Variants in CHD4 observed in about 807,000 individuals in gnomAD.
The protein encoded by CHD4 is ATP-dependent chromatin remodeler CHD4.
Under a neutral mutation model 235.5 loss-of-function variants are expected in CHD4, and 35 were observed. That is an observed-to-expected ratio of 0.15 (90% CI 0.11 to 0.20). The LOEUF is 0.20. Ranked by LOEUF, CHD4 falls within the 10% of genes least tolerant of loss-of-function variation. CHD4 has a pLI of 1.00. For synonymous variants in CHD4, 900 were observed against 850.2 expected (o/e 1.06, Z -1.02); for missense variants, 1,329 against 2,432.3 (o/e 0.55, Z 9.54).
chr12:6,599,030 G>A (rs1948545174), intron 10 of CHD4, among the ~76,000 whole-genome samples: 1 of 152,188 alleles, frequency 6.6e-6, no homozygotes, highest in South Asian at 2.1e-4. Context: ...CTGCTTAACA[G>A]AGCCAGTAGT....
Position 6,594,476 on chromosome 12 carries a change from A to T in CHD4, c.2296T>A (p.Tyr766Asn). 1 of 1,610,654 alleles carries T rather than the reference A, an allele frequency of 6.2e-7. No homozygotes were observed. Among genetic ancestry groups the T allele is most frequent in the Non-Finnish European group, 8.5e-7 (1 of 1,178,672 alleles). Residue 766 changes from tyrosine to asparagine, a missense_variant, in exon 15 of 40, where the codon TAT becomes AAT. Coordinates refer to ENST00000544040, the MANE Select transcript of CHD4 (RefSeq NM_001273.5). ...TTCCTTACCTCCTTGTAAAGGGAATACAGGAAGACTGCTGTCTGTACAGTT... is the reference window on the plus strand; with the variant it reads ...TTCCTTACCTCCTTGTAAAGGGAATTCAGGAAGACTGCTGTCTGTACAGTT... The part of the protein sequence containing the change: ...GKTVQTAVFL[Y>N]SLYKEGHSKG...
chr12:6,577,773 C>T lies in CHD4; in HGVS notation c.5361+12G>A. 6.2e-7 allele frequency: 1 copy of T among 1,614,028 alleles called. No homozygotes were observed. The highest frequency in any genetic ancestry group is 8.5e-7 in the Non-Finnish European group (1 of 1,179,986). On this transcript the variant is annotated intron_variant, in intron 37 of 39. Transcript: ENST00000544040. ...TGTCACTTAAGCAATATATTCCTCC[C>T]CAACCGCTCACCTTAAACCTTCGAG...
In CHD4 at chr12:6,587,982, G is replaced by A. The variant is rs763244223; in HGVS notation, c.3466-33C>T. 3 of 1,586,688 alleles carry A rather than the reference G, an allele frequency of 1.9e-6. No individual in the cohort carries two copies. The African/African-American group carries it at 4.0e-5, about 21-fold the overall frequency. On this transcript the variant is annotated intron_variant, in intron 23 of 39. Coordinates refer to ENST00000544040, the MANE Select transcript of CHD4 (RefSeq NM_001273.5). ...TGAACAGGAAATAAAGCCAGAAATT[G>A]TATTTTCCTGGTGCCACTCTTATCC...
chr12:6,597,268 CA>C (rs754493097), intron 12 of CHD4, among the ~76,000 whole-genome samples: 1 of 146,318 alleles, frequency 6.8e-6, no homozygotes, highest in Admixed American at 6.9e-5. Context: ...AAGTCTGTCT[CA>C]AAAAAAAACA....
In CHD4 at chr12:6,582,923, G is replaced by T. The variant is rs115174844; in HGVS notation, c.4161C>A (p.Pro1387=). 3.1e-6 allele frequency: 5 copies of T among 1,613,668 alleles called. No individual in the cohort carries two copies. The highest frequency in any genetic ancestry group is 3.4e-6 in the Non-Finnish European group (4 of 1,179,914). The change falls in exon 28 of 40, where the codon CCC becomes CCA. Residue 1387 remains proline, a synonymous_variant. Coordinates refer to ENST00000544040, the MANE Select transcript of CHD4 (RefSeq NM_001273.5). ...FDERSEAPRR[P]SRKGLRNDKD... Reference sequence around the variant, plus strand: ...TATCATTCCGCAGGCCCTTACGACTGGGCCTACGGGGAGCTGCAAGAAGAA... The same window carrying T: ...TATCATTCCGCAGGCCCTTACGACTTGGCCTACGGGGAGCTGCAAGAAGAA...
In CHD4 at chr12:6,593,754, TCTATA is replaced by T. The variant is rs924300946; in HGVS notation, c.2314-143_2314-139del. On this transcript the variant is annotated intron_variant, in intron 15 of 39. Coordinates refer to ENST00000544040, the MANE Select transcript of CHD4 (RefSeq NM_001273.5). This position sits in a 1 kb window ranked among gnomAD's most constrained non-coding sequence, Gnocchi z 4.9. The stretch of plus-strand genomic sequence containing the variant: ...GCTGCTGCTCCTGCTCTCACCTTCC[TCTATA>T]CAAGTGCCCAGCCCACTCCTTTCCA... 1.5e-5 allele frequency: 11 copies of T among 718,612 alleles called. No homozygotes were observed. Among genetic ancestry groups the T allele is most frequent in the Non-Finnish European group, 2.5e-5 (11 of 435,090 alleles). 44.5% of individuals were successfully genotyped at this position (718,612 alleles called of 1,614,324 possible). A position where few individuals can be genotyped will look rare whatever the true frequency, so the allele number is the denominator to read the frequency against.
At chr12:6,594,761 C>T (rs1592275769) in intron 14 of CHD4, 111 bp from the exon 15 acceptor site, 1 of 977,272 alleles carries the variant, frequency 1.0e-6, no homozygotes, top group East Asian at 2.5e-5. Context: ...GGGAAGAGCT[C>T]CGGAAAATTC....
At position 6,593,981 on chromosome 12, in the gene CHD4, G is replaced by A. The variant is rs756324936; in HGVS notation, c.2314-365C>T. Among the ~76,000 whole-genome samples, 8 of 152,126 alleles carry A rather than the reference G, an allele frequency of 5.3e-5. No individual in the cohort carries two copies. Among genetic ancestry groups the A allele is most frequent in the South Asian group, 2.1e-4 (1 of 4,810 alleles). On this transcript the variant is annotated intron_variant, in intron 15 of 39. Transcript: ENST00000544040. The surrounding 1 kb of genome is among the most constrained non-coding windows in gnomAD (Gnocchi z 4.9). ...CTCCCAAGTAGCTGGGATTACAGGC[G>A]TGCACCACCACATCCGGCTAATTTT...
intron 34 of CHD4, 105 bp from the exon 35 acceptor site, chr12:6,578,651 T>C: frequency 1.9e-6 from 3 of 1,541,492 alleles, no homozygotes; most frequent in Non-Finnish European, 2.7e-6. Context: ...CTACACCCCT[T>C]CTCCACCTGG....
chr12:6,594,758 G>C, intron 14 of CHD4, 108 bp from the exon 15 acceptor site: 1 of 1,016,068 alleles, frequency 9.8e-7, no homozygotes, highest in Non-Finnish European at 1.4e-6. Flanking sequence ...TTGGGGAAGA[G>C]CTCCGGAAAA....
chr12:6,581,129 A>T lies in CHD4; in HGVS notation c.4824T>A (p.Val1608=). ...TCTCCTCTCCCTCAGGGGGTTCAACAACGACCTTTTCATCCTCTGAGGCAG... is the reference window on the plus strand; with the variant it reads ...TCTCCTCTCCCTCAGGGGGTTCAACTACGACCTTTTCATCCTCTGAGGCAG... ...PAPASEDEKV[V]VEPPEGEEKV... is the part of the protein sequence containing the mutation. The change falls in exon 33 of 40, where the codon GTT becomes GTA. Residue 1608 remains valine, a synonymous_variant. Transcript: ENST00000544040. 6.2e-7 allele frequency: 1 copy of T among 1,614,106 alleles called. No individual in the cohort carries two copies. Among genetic ancestry groups the T allele is most frequent in the Non-Finnish European group, 8.5e-7 (1 of 1,180,006 alleles).
Position 6,585,562 on chromosome 12 carries a change from G to A in CHD4, c.3879+1822C>T, listed in dbSNP as rs561371103. 9.8e-4 allele frequency among the ~76,000 whole-genome samples: 149 copies of A among 151,964 alleles called. 1 individual carries two copies. The highest frequency in any genetic ancestry group is 3.1e-3 in the South Asian group (15 of 4,816). On this transcript the variant is annotated intron_variant, in intron 25 of 39. Coordinates refer to ENST00000544040, the MANE Select transcript of CHD4 (RefSeq NM_001273.5). ...CTCCCAAAGTGCTGGGATTACAGGC[G>A]TGAGCCACCACGTCTGGCCCAATTC... is the stretch of plus-strand genomic sequence containing the variant.
rs776879113 is a variant in CHD4, at chr12:6,592,582, G to C, written c.2775-16C>G. 5 of 1,579,334 alleles carry C rather than the reference G, an allele frequency of 3.2e-6. No individual in the cohort carries two copies. The South Asian group carries it at 5.7e-5, about 18-fold the overall frequency. On this transcript the variant is annotated splice_polypyrimidine_tract_variant and intron_variant, in intron 18 of 39. Coordinates refer to ENST00000544040, the MANE Select transcript of CHD4 (RefSeq NM_001273.5). ...TTCCAAATTGCTTCAGAAAGAAAAAGGAAAAAAGTTATTGGAGAAGGAGAA... is the reference window on the plus strand; with the variant it reads ...TTCCAAATTGCTTCAGAAAGAAAAACGAAAAAAGTTATTGGAGAAGGAGAA...
In CHD4 at chr12:6,570,680, T is replaced by A; in HGVS notation, c.5735A>T (p.Gln1912Leu). 6.2e-7 allele frequency: 1 copy of A among 1,614,178 alleles called. No homozygotes were observed. Among genetic ancestry groups the A allele is most frequent in the African/African-American group, 1.3e-5 (1 of 75,044 alleles). Residue 1912 changes from glutamine to leucine, a missense_variant, in exon 40 of 40, where the codon CAG (glutamine) becomes CTG (leucine). Gln to Leu is a moderately radical substitution (Grantham distance 113, BLOSUM62 -2). Transcript: ENST00000544040. ...EPTPQQVAQQ[Q>L] ...AGGTGGTATCAGTCTGCATCTTCAC[T>A]GCTGCTGGGCTACCTAGAGAAGGAG...
intron 33 of CHD4, among the ~76,000 whole-genome samples, chr12:6,579,892 T>C (rs1948146862): frequency 6.7e-6 from 1 of 148,958 alleles, no homozygotes. Context: ...CCGTCTCTAC[T>C]AAAAATACAA....
intron 2 of CHD4, among the ~76,000 whole-genome samples, chr12:6,605,452 A>C (rs1948676055): frequency 6.6e-6 from 1 of 152,144 alleles, no homozygotes; most frequent in Admixed American, 6.5e-5. Context: ...GGTGGTTACA[A>C]CCATACGGGT....
intron 33 of CHD4, chr12:6,579,237 G>C (rs933640073): frequency 5.7e-6 from 2 of 353,196 alleles, no homozygotes; most frequent in African/African-American, 2.0e-5. Flanking sequence ...ATCACCTGAG[G>C]TGAGGAGTTA....
At chr12:6,588,794 A>T (rs1283590827) in intron 22 of CHD4, among the ~76,000 whole-genome samples, 1 of 151,812 alleles carries the variant, frequency 6.6e-6, no homozygotes, top group East Asian at 1.9e-4. Flanking sequence ...AAAAAAAAAA[A>T]TTTAGCTGGG....
chr12:6,579,680 G>C (rs139129663), intron 33 of CHD4: 20,017 of 150,640 alleles, frequency 0.13, 1,453 homozygotes, highest in Non-Finnish European at 0.15. Context: ...GAACCCAGGA[G>C]GCGGAGGTTG....
Sources: gnomAD v4.1 joint callset for allele counts (sites outside exome capture counted in the v4.1 genomes callset) on GRCh38, gnomAD v4.1.1 for gene constraint, Gnocchi (gnomAD v3.1) non-coding constraint, MANE v1.5 for transcripts, NCBI Gene and HGNC (gene_info 2026-07-23, HGNC 2026-07-21) for gene names.